The following TANK variants were observed in gnomAD, a reference collection of about 807,000 sequenced individuals.
TANK encodes TRAF family member-associated NF-kappa-B activator.
A neutral mutation model predicts 43.6 loss-of-function variants in TANK; 15 were observed. The observed-to-expected ratio is 0.34, with a 90% CI of 0.23 to 0.53. The LOEUF is 0.53. Among genes scored for constraint, TANK ranks in the 20% least tolerant of loss-of-function variants. The pLI is 0.94. For missense variants in TANK, 417 were observed against 498.6 expected, an observed-to-expected ratio of 0.84 and a Z score of 1.56; for synonymous variants, 162 against 178.2, an observed-to-expected ratio of 0.91 and a Z score of 0.73.
At chr2:161,147,695 T>G in intron 1 of TANK, among the ~76,000 whole-genome samples, 1 of 148,884 alleles carries the variant, frequency 6.7e-6, no homozygotes, top group South Asian at 2.1e-4. Context: ...AGTGAAGGAT[T>G]TGCGTGCTGT....
intron 2 of TANK, among the ~76,000 whole-genome samples, chr2:161,201,697 T>C (rs1686420676): frequency 6.6e-6 from 1 of 152,216 alleles, no homozygotes; most frequent in Admixed American, 6.5e-5. Flanking sequence ...GTAGCCCAAG[T>C]AAATCTAAGG....
chr2:161,228,163 G>A (rs1237664513), intron 6 of TANK, among the ~76,000 whole-genome samples: 1 of 152,198 alleles, frequency 6.6e-6, no homozygotes, highest in African/African-American at 2.4e-5. Context: ...ATACAGTCAT[G>A]TGCCAAATGA....
chr2:161,144,111 A>G (rs557200858), intron 1 of TANK, among the ~76,000 whole-genome samples: 1 of 152,272 alleles, frequency 6.6e-6, no homozygotes, highest in South Asian at 2.1e-4. Flanking sequence ...AGGTGTTTAT[A>G]GTATTTGCTG....
chr2:161,166,751 A>G (rs1443552895), intron 1 of TANK, among the ~76,000 whole-genome samples: 2 of 152,126 alleles, frequency 1.3e-5, no homozygotes, highest in South Asian at 4.1e-4. Flanking sequence ...GCACCGCCAC[A>G]CTTGCTGCAC....
chr2:161,152,552 G>T (rs1684108859), intron 1 of TANK, among the ~76,000 whole-genome samples: 2 of 151,862 alleles, frequency 1.3e-5, no homozygotes, highest in South Asian at 4.2e-4. Context: ...CTTCTTTCTT[G>T]CTGCTTTCAA....
At chr2:161,226,509 A>G (rs879746773) in intron 6 of TANK, among the ~76,000 whole-genome samples, 2 of 152,206 alleles carry the variant, frequency 1.3e-5, no homozygotes, top group Admixed American at 6.5e-5. Flanking sequence ...TATGTATGCT[A>G]CACTGTATAA....
chr2:161,137,454 A>T (rs1683619581), intron 1 of TANK, among the ~76,000 whole-genome samples: 1 of 152,208 alleles, frequency 6.6e-6, no homozygotes, highest in African/African-American at 2.4e-5. Context: ...TTAAGATAGA[A>T]TTTATGTCTC....
intron 1 of TANK, among the ~76,000 whole-genome samples, chr2:161,145,669 T>C (rs1420129163): frequency 1.3e-5 from 2 of 151,982 alleles, no homozygotes; most frequent in East Asian, 3.8e-4. Context: ...TTCTGGCTTG[T>C]AGAGTTTCTG....
At chr2:161,224,028 T>G in intron 5 of TANK, 37 bp downstream of exon 5, 3 of 1,285,918 alleles carry the variant, frequency 2.3e-6, no homozygotes, top group Non-Finnish European at 3.3e-6. Context: ...TCTTAAAAAT[T>G]ATCAATACTG....
At chr2:161,217,677 T>C (rs535034685) in intron 4 of TANK, among the ~76,000 whole-genome samples, 1 of 151,398 alleles carries the variant, frequency 6.6e-6, no homozygotes, top group East Asian at 1.9e-4. Flanking sequence ...GTTTGTTAGG[T>C]GCTCACTCCT....
At chr2:161,221,387 T>C (rs929387736) in intron 4 of TANK, among the ~76,000 whole-genome samples, 1 of 152,214 alleles carries the variant, frequency 6.6e-6, no homozygotes. Context: ...ACTTGGATTA[T>C]ATTTGAGAAT....
chr2:161,171,705 G>A (rs1684945970), intron 1 of TANK, among the ~76,000 whole-genome samples: 2 of 152,084 alleles, frequency 1.3e-5, no homozygotes, highest in South Asian at 4.1e-4. Flanking sequence ...TCATAGAAGA[G>A]CTCTCTTCCT....
At chr2:161,152,661 T>A (rs1684112214) in intron 1 of TANK, among the ~76,000 whole-genome samples, 1 of 152,168 alleles carries the variant, frequency 6.6e-6, no homozygotes, top group African/African-American at 2.4e-5. Flanking sequence ...CAGAAGGAAC[T>A]CAATAAATAC....
At chr2:161,233,614 A>T (rs1215693334) in intron 7 of TANK, among the ~76,000 whole-genome samples, 1 of 152,082 alleles carries the variant, frequency 6.6e-6, no homozygotes, top group Non-Finnish European at 1.5e-5. Flanking sequence ...TTGCTGAGTC[A>T]GTGAGTGGGA....
upstream of TANK, among the ~76,000 whole-genome samples, chr2:161,157,980 G>A (rs1057235998): frequency 4.6e-5 from 7 of 152,096 alleles, no homozygotes; most frequent in East Asian, 1.9e-4. Context: ...CACTGCACCC[G>A]TCCAGGTTCC....
At chr2:161,175,466 T>C (rs1375650290) in intron 1 of TANK, among the ~76,000 whole-genome samples, 1 of 152,138 alleles carries the variant, frequency 6.6e-6, no homozygotes, top group Non-Finnish European at 1.5e-5. Flanking sequence ...AACTTTAAGA[T>C]AGTACTATAT....
chr2:161,139,301 T>C (rs955031995), intron 1 of TANK, among the ~76,000 whole-genome samples: 1 of 152,208 alleles, frequency 6.6e-6, no homozygotes, highest in Non-Finnish European at 1.5e-5. Context: ...AGGTTGGCTG[T>C]TGGTTTGAGA....
At chr2:161,230,122 G>A (rs924468139) in intron 6 of TANK, among the ~76,000 whole-genome samples, 1 of 152,158 alleles carries the variant, frequency 6.6e-6, no homozygotes, top group Non-Finnish European at 1.5e-5. Context: ...GCTATGAGCT[G>A]TGGAAATACC....
chr2:161,205,530 CA>C (rs1686611367), intron 4 of TANK, among the ~76,000 whole-genome samples: 1 of 152,042 alleles, frequency 6.6e-6, no homozygotes, highest in African/African-American at 2.4e-5. Context: ...CTAGCTTAAG[CA>C]AGACTCTATT....
Sources: allele counts gnomAD v4.1 joint callset (sites outside exome capture counted in the v4.1 genomes callset), GRCh38; gene constraint gnomAD v4.1.1; transcripts MANE v1.5; gene names NCBI Gene and HGNC (gene_info 2026-07-23, HGNC 2026-07-21).